The following IKZF3 variants were observed in gnomAD, a reference collection of about 807,000 sequenced individuals.
IKZF3 encodes IKAROS family zinc finger 3.
IKZF3 carries 10 observed loss-of-function variants against 49.0 expected under a neutral mutation model. That is an observed-to-expected ratio of 0.20 (90% confidence interval 0.13 to 0.35). IKZF3 has a LOEUF of 0.35. Among genes scored for constraint, IKZF3 ranks in the 10% least tolerant of loss-of-function variants. The pLI, the probability that IKZF3 is intolerant of heterozygous loss-of-function variation, is 1.00. For synonymous variants in IKZF3, 209 were observed against 228.2 expected, an observed-to-expected ratio of 0.92 and a Z score of 0.76; for missense variants, 498 against 664.8, an observed-to-expected ratio of 0.75 and a Z score of 2.76.
chr17:39,839,894 A>G (rs912121927), intron 1 of IKZF3, among the ~76,000 whole-genome samples: 6 of 152,102 alleles, frequency 3.9e-5, no homozygotes, highest in African/African-American at 1.4e-4. Context: ...TCCTGGCCTT[A>G]AGGTAATCTT....
intron 6 of IKZF3, among the ~76,000 whole-genome samples, chr17:39,784,644 C>G (rs549331876): frequency 6.6e-6 from 1 of 152,262 alleles, no homozygotes; most frequent in East Asian, 1.9e-4. Context: ...CCTTGTGATC[C>G]GCCCGCCTCG....
At chr17:39,779,781 G>A (rs950974362) in intron 6 of IKZF3, among the ~76,000 whole-genome samples, 5 of 151,678 alleles carry the variant, frequency 3.3e-5, no homozygotes, top group African/African-American at 1.2e-4. Flanking sequence ...ATATTGTGAT[G>A]CTGTAAACAT....
intron 1 of IKZF3, among the ~76,000 whole-genome samples, chr17:39,850,248 CA>C (rs2062770087): frequency 7.7e-6 from 1 of 130,074 alleles, no homozygotes; most frequent in Non-Finnish European, 1.6e-5. Flanking sequence ...ATAGTATATA[CA>C]ATATATAGCA....
rs559826391 is a variant in IKZF3 at position 39,770,697 on chromosome 17, C to T, written c.827-4204G>A. ...AGTACCTTGCACTGTGCCTTATATA[C>T]AATAATCCCAATAATGATAAGTACT... On this transcript the variant is annotated intron_variant, in intron 7 of 7. Transcript: ENST00000346872. 2.6e-5 allele frequency among the ~76,000 whole-genome samples: 4 copies of T among 151,708 alleles called. No homozygotes were observed. In the South Asian group the frequency reaches 6.3e-4, roughly 24 times the overall value.
At chr17:39,786,638 T>C (rs1318381442) in intron 6 of IKZF3, among the ~76,000 whole-genome samples, 1 of 152,160 alleles carries the variant, frequency 6.6e-6, no homozygotes, top group Non-Finnish European at 1.5e-5. Context: ...ATTATTATTG[T>C]TTTAGAGATG....
At chr17:39,791,809 C>A (rs1318813591) in intron 4 of IKZF3, among the ~76,000 whole-genome samples, 1 of 151,322 alleles carries the variant, frequency 6.6e-6, no homozygotes, top group Non-Finnish European at 1.5e-5. Flanking sequence ...CATATTGAAT[C>A]AGAGCAAAGA....
chr17:39,842,049 A>AAAAAAAAAAAAG (rs2062485596), intron 1 of IKZF3, among the ~76,000 whole-genome samples: 1 of 148,048 alleles, frequency 6.8e-6, no homozygotes, highest in African/African-American at 2.5e-5. Context: ...AAAAAAAAAA[A>AAAAAAAAAAAAG]AAAAAAAAAA....
chr17:39,841,459 T>C (rs2062465011), intron 1 of IKZF3, among the ~76,000 whole-genome samples: 1 of 151,992 alleles, frequency 6.6e-6, no homozygotes, highest in Non-Finnish European at 1.5e-5. Flanking sequence ...CAGTCCTGCA[T>C]GGGGCTGTCA....
At chr17:39,814,341 T>A (rs2144131057) in intron 3 of IKZF3, among the ~76,000 whole-genome samples, 1 of 151,876 alleles carries the variant, frequency 6.6e-6, no homozygotes, top group East Asian at 1.9e-4. Flanking sequence ...TGGAAGTAAT[T>A]AAATACATAC....
At chr17:39,811,332 AAAG>A in intron 3 of IKZF3, among the ~76,000 whole-genome samples, 1 of 151,578 alleles carries the variant, frequency 6.6e-6, no homozygotes, top group South Asian at 2.1e-4. Context: ...AGAAAGAAAG[AAAG>A]AAAGAAAGGG....
chr17:39,863,360 G>C (rs2063267847), intron 1 of IKZF3, among the ~76,000 whole-genome samples: 1 of 152,008 alleles, frequency 6.6e-6, no homozygotes, highest in African/African-American at 2.4e-5. Context: ...TTTTAGTTAG[G>C]TGTCAATATC....
intron 1 of IKZF3, chr17:39,839,475 T>C (rs1221497478): frequency 1.7e-6 from 1 of 576,938 alleles, no homozygotes; most frequent in East Asian, 4.5e-5. Flanking sequence ...ATTTTCCTTT[T>C]GTTTCTTGGC....
chr17:39,765,965 T>C lies in IKZF3; in HGVS notation c.1355A>G (p.Tyr452Cys). 1 of 1,614,234 alleles carries C rather than the reference T, an allele frequency of 6.2e-7. No homozygotes were observed. The highest frequency in any genetic ancestry group is 8.5e-7 in the Non-Finnish European group (1 of 1,180,032). The change falls in exon 8 of 8, where the codon TAT (tyrosine) becomes TGT (cysteine). Residue 452 changes from tyrosine to cysteine, a missense_variant. Around this residue, in one of 3 missense-constraint regions of IKZF3, gnomAD observed 317 missense variants for 397.3 expected, o/e 0.80. Transcript: ENST00000346872. ...GAGGACGCGGCAGTGGTCACACCGA[T>C]ACACATCCATCACCTCCCCTTCCTT... is the stretch of plus-strand genomic sequence containing the variant. ...INKEGEVMDVYRCDHCRVLFL... is the reference protein window; with the variant it reads ...INKEGEVMDVCRCDHCRVLFL...
rs989748344 is a variant in IKZF3, at chr17:39,764,154, C to T, written c.*1636G>A. On this transcript the variant is annotated 3_prime_UTR_variant, in exon 8 of 8. Transcript: ENST00000346872. ...ACAGGTGTGAGCCACCGAGCCTGGCCGGAAACTGAGTTTTAAGAGTTAAAT... is the reference window on the plus strand; with the variant it reads ...ACAGGTGTGAGCCACCGAGCCTGGCTGGAAACTGAGTTTTAAGAGTTAAAT... The T allele has an allele frequency of 3.3e-5, 5 of 151,924 alleles. No individual in the cohort carries two copies. In the East Asian group the frequency reaches 5.9e-4, roughly 18 times the overall value. 9.4% of individuals were successfully genotyped at this position (151,924 alleles called of 1,614,324 possible).
chr17:39,790,504 T>C (rs2060991551), intron 5 of IKZF3, among the ~76,000 whole-genome samples: 1 of 152,136 alleles, frequency 6.6e-6, no homozygotes, highest in Non-Finnish European at 1.5e-5. Context: ...AGTTTTGAGT[T>C]TGGGGCTAGG....
chr17:39,814,107 G>A (rs1175581964), intron 3 of IKZF3, among the ~76,000 whole-genome samples: 1 of 152,164 alleles, frequency 6.6e-6, no homozygotes, highest in Non-Finnish European at 1.5e-5. Flanking sequence ...CACCTCAAAA[G>A]GGACCGAGAC....
Position 39,808,813 on chromosome 17 carries a change from T to C in IKZF3, c.164-15880A>G, listed in dbSNP as rs142116658. The stretch of plus-strand genomic sequence containing the variant: ...GATGGTAAGTAAGGAATAGGTCATA[T>C]AAAAATGCAAGAGAGAGTTCTGGGC... On this transcript the variant is annotated intron_variant, in intron 3 of 7. Coordinates refer to ENST00000346872, the MANE Select transcript of IKZF3 (RefSeq NM_012481.5). 2.8e-3 allele frequency among the ~76,000 whole-genome samples: 425 copies of C among 152,292 alleles called. 6 individuals are homozygous for C. The highest frequency in any genetic ancestry group is 9.8e-3 in the African/African-American group (406 of 41,550).
At chr17:39,788,232 A>G (rs199572889) in intron 6 of IKZF3, 26 bp downstream of exon 6, 2 of 1,407,864 alleles carry the variant, frequency 1.4e-6, no homozygotes, top group Admixed American at 1.7e-5. Context: ...GCAGATGCTC[A>G]CTAAACGTGT....
At chr17:39,767,552 A>G (rs566592493) in intron 7 of IKZF3, among the ~76,000 whole-genome samples, 1 of 152,216 alleles carries the variant, frequency 6.6e-6, no homozygotes, top group African/African-American at 2.4e-5. Flanking sequence ...GGATTTGCTA[A>G]ACCATATCCT....
Sources: allele counts gnomAD v4.1 joint callset (sites outside exome capture counted in the v4.1 genomes callset), GRCh38; gene constraint gnomAD v4.1.1; regional missense constraint gnomAD v4.1.1; transcripts MANE v1.5; gene names NCBI Gene and HGNC (gene_info 2026-07-23, HGNC 2026-07-21).